The following MYO10 variants were observed in gnomAD, a reference collection of about 807,000 sequenced individuals.
MYO10 encodes the protein unconventional myosin-X.
MYO10 carries 133 observed loss-of-function variants against 257.3 expected under a neutral mutation model. That is an observed-to-expected ratio of 0.52 (90% CI 0.45 to 0.60). The LOEUF (loss-of-function observed/expected upper bound fraction) is 0.60. Among genes scored for constraint, MYO10 ranks in the 20% least tolerant of loss-of-function variants. The pLI, the probability that MYO10 is intolerant of heterozygous loss-of-function variation, is 0.00. For missense variants in MYO10, 2,399 were observed against 2,635.7 expected (o/e 0.91, Z 1.97); for synonymous variants, 1,104 against 1,028.6 (o/e 1.07, Z -1.40).
chr5:16,758,284 G>A, intron 17 of MYO10, 58 bp from the exon 18 acceptor site: 1 of 1,188,566 alleles, frequency 8.4e-7, no homozygotes, highest in Non-Finnish European at 1.3e-6. Context: ...TTAGGTGCAA[G>A]ATTATTGTAA....
chr5:16,808,463 G>T (rs1051872031), intron 3 of MYO10, among the ~76,000 whole-genome samples: 1 of 151,950 alleles, frequency 6.6e-6, no homozygotes, highest in Non-Finnish European at 1.5e-5. Context: ...AAAGAGTGAG[G>T]TCTAAATAAT....
At chr5:16,903,220 C>T (rs1000896199) in intron 1 of MYO10, among the ~76,000 whole-genome samples, 1 of 152,218 alleles carries the variant, frequency 6.6e-6, no homozygotes, top group Admixed American at 6.5e-5. Flanking sequence ...GCCTGACCAA[C>T]ATGGTGAAAC....
At chr5:16,737,551 A>G (rs1739853155) in intron 19 of MYO10, among the ~76,000 whole-genome samples, 1 of 152,278 alleles carries the variant, frequency 6.6e-6, no homozygotes, top group Non-Finnish European at 1.5e-5. Flanking sequence ...TGAATAGTAA[A>G]ACACACAGTT....
At position 16,701,561 on chromosome 5, in the gene MYO10, A is replaced by G. The variant is rs761897944; in HGVS notation, c.2834T>C (p.Leu945Pro). The G allele has an allele frequency of 6.2e-7, 1 of 1,613,572 alleles. No individual in the cohort carries two copies. The highest frequency in any genetic ancestry group is 2.2e-5 in the East Asian group (1 of 44,834). Residue 945 changes from leucine to proline, a missense_variant, in exon 25 of 41, where the codon CTC (leucine) becomes CCC (proline). By Grantham distance (98) the Leu-to-Pro change is moderately conservative. Coordinates refer to ENST00000513610, the MANE Select transcript of MYO10 (RefSeq NM_012334.3). This position sits in a 1 kb window ranked among gnomAD's most constrained non-coding sequence, Gnocchi z 8.1. ...ACACTCGTCGATCTCGTCGAAATTG[A>G]GGGACTCGAGGAACTCCTGGGCCGC... ...CRAAQEFLES[L>P]NFDEIDECVR...
chr5:16,793,374 G>C (rs966530974), intron 4 of MYO10, among the ~76,000 whole-genome samples: 1 of 152,092 alleles, frequency 6.6e-6, no homozygotes, highest in African/African-American at 2.4e-5. Flanking sequence ...ACCCAGGCTG[G>C]AGTGCAGTGG....
chr5:16,909,016 T>C (rs1203827277), intron 1 of MYO10, among the ~76,000 whole-genome samples: 1 of 152,190 alleles, frequency 6.6e-6, no homozygotes, highest in Non-Finnish European at 1.5e-5. Context: ...TCTTGGACAT[T>C]GTATTAGTCC....
intron 1 of MYO10, among the ~76,000 whole-genome samples, chr5:16,923,447 C>G (rs570412475): frequency 6.6e-6 from 1 of 151,790 alleles, no homozygotes; most frequent in Non-Finnish European, 1.5e-5. Flanking sequence ...CCACCACGCC[C>G]GGCTAATTTT....
In MYO10 at chr5:16,761,527, C is replaced by A; in HGVS notation, c.1676G>T (p.Gly559Val). ...TGTATCTCTGTTCTTCTCCAAGATA[C>A]CTCGGACATCATATTGCACCTAGTT... ...YAGEVQYDVR[G>V]ILEKNRDTFR... The change falls in exon 17 of 41, where the codon GGT becomes GTT. Residue 559 changes from glycine (G) to valine (V), a missense_variant. Transcript: ENST00000513610. 1 of 1,612,630 alleles carries A rather than the reference C, an allele frequency of 6.2e-7. No individual in the cohort carries two copies. The highest frequency in any genetic ancestry group is 8.5e-7 in the Non-Finnish European group (1 of 1,179,188).
intron 3 of MYO10, among the ~76,000 whole-genome samples, chr5:16,797,856 G>A (rs56280811): frequency 0.031 from 4,752 of 152,274 alleles, 247 homozygotes; most frequent in African/African-American, 0.11. Context: ...TAAGATACAG[G>A]TTGTATGGTT....
intron 3 of MYO10, among the ~76,000 whole-genome samples, chr5:16,797,083 C>T (rs1741993957): frequency 6.6e-6 from 1 of 152,118 alleles, no homozygotes; most frequent in Admixed American, 6.5e-5. Flanking sequence ...TAGTATCAGC[C>T]AGGAACATCA....
At chr5:16,672,326 T>A (rs2561868) in intron 37 of MYO10, among the ~76,000 whole-genome samples, 1 of 151,636 alleles carries the variant, frequency 6.6e-6, no homozygotes, top group Non-Finnish European at 1.5e-5. Context: ...CATTTTATAT[T>A]GTAGACATAA....
intron 27 of MYO10, among the ~76,000 whole-genome samples, chr5:16,690,512 G>A (rs956552674): frequency 6.6e-6 from 1 of 152,198 alleles, no homozygotes; most frequent in African/African-American, 2.4e-5. Context: ...CTCTAGGGGA[G>A]AGGCTCTCTC....
intron 19 of MYO10, among the ~76,000 whole-genome samples, chr5:16,735,460 T>C (rs1739754909): frequency 6.6e-6 from 1 of 152,030 alleles, no homozygotes; most frequent in African/African-American, 2.4e-5. Context: ...ATTCCAGTAA[T>C]TTGGAAAGCT....
chr5:16,744,139 A>AAAACAGTTTT (rs1740104384), intron 19 of MYO10, among the ~76,000 whole-genome samples: 1 of 152,240 alleles, frequency 6.6e-6, no homozygotes, highest in Admixed American at 6.5e-5. Flanking sequence ...TTAAGAGAGA[A>AAAACAGTTTT]AAGGTCTTAA....
At chr5:16,681,573 C>T (rs879003779) in intron 31 of MYO10, 70 bp from the exon 32 acceptor site, 54 of 1,419,536 alleles carry the variant, frequency 3.8e-5, no homozygotes, top group South Asian at 3.4e-4. Context: ...CAATCATCTG[C>T]ATAATGCTAA....
chr5:16,917,436 T>C (rs1388201350), intron 1 of MYO10, among the ~76,000 whole-genome samples: 1 of 152,140 alleles, frequency 6.6e-6, no homozygotes, highest in African/African-American at 2.4e-5. Flanking sequence ...ATCCTCAGCT[T>C]CTACCCACTA....
In MYO10 at chr5:16,920,193, G is replaced by A. The variant is rs373224384; in HGVS notation, c.21+15595C>T. 2.8e-4 allele frequency among the ~76,000 whole-genome samples: 42 copies of A among 152,266 alleles called. 1 individual carries two copies. The highest frequency in any genetic ancestry group is 1.0e-3 in the African/African-American group (42 of 41,552). ...GGAGTCTGAGGCAGGAGAATCACTT[G>A]AACCCGGGAGGCAGAGACTGCAGTG... is the stretch of plus-strand genomic sequence containing the variant. On this transcript the variant is annotated intron_variant, in intron 1 of 40. Coordinates refer to ENST00000513610, the MANE Select transcript of MYO10 (RefSeq NM_012334.3).
rs138606297 is a variant in MYO10 at position 16,674,014 on chromosome 5, G to A, written c.4965-125C>T. ...GGTCCCCCACTGGTGAATGGAGCAA[G>A]CACCAGTGACTTCTTGGCAAGGGCC... On this transcript the variant is annotated intron_variant, in intron 35 of 40. Coordinates refer to ENST00000513610, the MANE Select transcript of MYO10 (RefSeq NM_012334.3). 8.2e-4 allele frequency: 635 copies of A among 773,024 alleles called. 3 individuals are homozygous for A. Among genetic ancestry groups the A allele is most frequent in the African/African-American group, 7.9e-3 (457 of 57,758 alleles). The allele number at this position is 773,024 out of a possible 1,614,324, so 47.9% of individuals were successfully genotyped here.
rs766403186 is a variant in MYO10, at chr5:16,668,497, A to G, written c.5884-29T>C. Reference sequence around the variant, plus strand: ...GTGGGCAAGAGTCAACAGAAGAGTTAAGTCATGAAGTGGTTGGCAACAGAA... The same window carrying G: ...GTGGGCAAGAGTCAACAGAAGAGTTGAGTCATGAAGTGGTTGGCAACAGAA... On this transcript the variant is annotated intron_variant, in intron 39 of 40. Coordinates refer to ENST00000513610, the MANE Select transcript of MYO10 (RefSeq NM_012334.3). 1.4e-5 allele frequency: 21 copies of G among 1,550,130 alleles called. No individual in the cohort carries two copies. The African/African-American group carries it at 2.3e-4, about 17-fold the overall frequency.
Sources: allele counts gnomAD v4.1 joint callset (sites outside exome capture counted in the v4.1 genomes callset), GRCh38; gene constraint gnomAD v4.1.1; non-coding constraint Gnocchi (gnomAD v3.1); transcripts MANE v1.5; gene names NCBI Gene and HGNC (gene_info 2026-07-23, HGNC 2026-07-21).